The following ANKRD30BL variants were observed in gnomAD, a reference collection of about 807,000 sequenced individuals.
The protein encoded by ANKRD30BL is ankyrin repeat domain 30B like.
Under a neutral mutation model 18.4 loss-of-function variants are expected in ANKRD30BL, and 20 were observed. That is an observed-to-expected ratio of 1.09 (90% CI 0.77 to 1.58). ANKRD30BL has a LOEUF of 1.58. Among genes scored for constraint, ANKRD30BL ranks in the 40% most tolerant of loss-of-function variants. The probability of loss-of-function intolerance (pLI) is 0.00; values close to 1 mark genes in which losing one functional copy is unlikely to be tolerated. For synonymous variants in ANKRD30BL, 72 were observed against 100.9 expected (o/e 0.71, Z 1.72); for missense variants, 224 against 268.6 (o/e 0.83, Z 1.16).
intron 1 of ANKRD30BL, among the ~76,000 whole-genome samples, chr2:132,170,072 T>G (rs1166240451): frequency 6.6e-6 from 1 of 152,184 alleles, no homozygotes; most frequent in African/African-American, 2.4e-5. Flanking sequence ...CTAGCTCTGA[T>G]CCTCAATTTT....
At chr2:132,231,508 G>T (rs547647786) in intron 1 of ANKRD30BL, among the ~76,000 whole-genome samples, 2 of 152,334 alleles carry the variant, frequency 1.3e-5, no homozygotes, top group East Asian at 3.9e-4. Context: ...GAAGCAGGGC[G>T]ATGCATTGCC....
intron 1 of ANKRD30BL, among the ~76,000 whole-genome samples, chr2:132,227,450 C>T (rs979041481): frequency 5.9e-5 from 9 of 151,804 alleles, no homozygotes; most frequent in Non-Finnish European, 8.8e-5. Flanking sequence ...CACAGTGGGA[C>T]ATACCTTATC....
chr2:132,178,364 G>A (rs1327134864), intron 1 of ANKRD30BL, among the ~76,000 whole-genome samples: 1 of 152,204 alleles, frequency 6.6e-6, no homozygotes, highest in African/African-American at 2.4e-5. Flanking sequence ...AGAGAGGACA[G>A]AACAGTGGAA....
intron 1 of ANKRD30BL, among the ~76,000 whole-genome samples, chr2:132,220,890 C>A (rs561943994): frequency 2.6e-5 from 4 of 151,506 alleles, no homozygotes; most frequent in African/African-American, 7.3e-5. Flanking sequence ...AGCCTCTGCC[C>A]GGCCGCCATC....
At chr2:132,207,908 G>A (rs1270504288) in intron 1 of ANKRD30BL, among the ~76,000 whole-genome samples, 1 of 152,146 alleles carries the variant, frequency 6.6e-6, no homozygotes, top group African/African-American at 2.4e-5. Flanking sequence ...ATAATGCTCA[G>A]ATCACAACGG....
At chr2:132,158,013 T>C (rs1294984840) in intron 1 of ANKRD30BL, among the ~76,000 whole-genome samples, 1 of 136,358 alleles carries the variant, frequency 7.3e-6, no homozygotes, top group African/African-American at 3.7e-5. Context: ...ATGCCGCTTA[T>C]AAGTCATTAT....
At chr2:132,257,091 G>A (rs780301795) in intron 1 of ANKRD30BL, 1 of 489,332 alleles carries the variant, frequency 2.0e-6, no homozygotes, top group South Asian at 1.5e-5. Context: ...ACCGAGACCC[G>A]CCTCATGAGC....
At chr2:132,238,011 G>A (rs371192095) in intron 1 of ANKRD30BL, among the ~76,000 whole-genome samples, 3 of 151,906 alleles carry the variant, frequency 2.0e-5, no homozygotes, top group Non-Finnish European at 2.9e-5. Context: ...TGTGCTGCTT[G>A]CATTCAAATC....
At chr2:132,186,417 A>G (rs895876042) in intron 1 of ANKRD30BL, among the ~76,000 whole-genome samples, 2 of 152,216 alleles carry the variant, frequency 1.3e-5, no homozygotes, top group Non-Finnish European at 2.9e-5. Flanking sequence ...CTATATTCTA[A>G]TAATTGTCAA....
intron 1 of ANKRD30BL, among the ~76,000 whole-genome samples, chr2:132,215,116 C>G (rs1679461145): frequency 6.6e-6 from 1 of 151,596 alleles, no homozygotes; most frequent in African/African-American, 2.4e-5. Flanking sequence ...TTGAGACACT[C>G]TTTTTGCAGA....
intron 1 of ANKRD30BL, among the ~76,000 whole-genome samples, chr2:132,186,746 A>C (rs988787351): frequency 6.6e-6 from 1 of 152,192 alleles, no homozygotes; most frequent in African/African-American, 2.4e-5. Flanking sequence ...TGTTTCCTTT[A>C]TCAGAGGTAG....
intron 1 of ANKRD30BL, among the ~76,000 whole-genome samples, chr2:132,179,782 T>C (rs1364204721): frequency 2.0e-5 from 3 of 152,132 alleles, no homozygotes; most frequent in African/African-American, 7.2e-5. Context: ...AAGACAATGA[T>C]GTTGATGATC....
At chr2:132,228,315 A>G (rs1271972333) in intron 1 of ANKRD30BL, among the ~76,000 whole-genome samples, 1 of 151,982 alleles carries the variant, frequency 6.6e-6, no homozygotes, top group South Asian at 2.1e-4. Context: ...GCATGCGTTT[A>G]TCTCACAGAG....
chr2:132,237,348 A>T (rs1363031518), intron 1 of ANKRD30BL, among the ~76,000 whole-genome samples: 1 of 152,040 alleles, frequency 6.6e-6, no homozygotes, highest in Non-Finnish European at 1.5e-5. Context: ...TCACAGTTAA[A>T]ACTTTCCTTT....
Position 132,220,009 on chromosome 2 carries a change from C to T in ANKRD30BL, n.441+37520G>A, listed in dbSNP as rs546444744. ...AAAAGGAAACATCTTCAGATAAAAACTAGACAGAAGCATTCTCAGAAACTT... is the reference window on the plus strand; with the variant it reads ...AAAAGGAAACATCTTCAGATAAAAATTAGACAGAAGCATTCTCAGAAACTT... On this transcript the variant is annotated intron_variant and non_coding_transcript_variant, in intron 1 of 4. Coordinates refer to the ANKRD30BL transcript ENST00000470729. Among the ~76,000 whole-genome samples the T allele has an allele frequency of 1.5e-4, 23 of 152,218 alleles. No homozygotes were observed. The East Asian group carries it at 4.1e-3, about 27-fold the overall frequency.
At chr2:132,179,082 A>G (rs3114149) in intron 1 of ANKRD30BL, among the ~76,000 whole-genome samples, 80,973 of 150,110 alleles carry the variant, frequency 0.54, 22,239 homozygotes, top group African/African-American at 0.63. Flanking sequence ...TAATGGAGGT[A>G]AAAAATTCCT....
rs1233866169 is a variant in ANKRD30BL at position 132,157,003 on chromosome 2, G to C, written c.477C>G (p.Ser159=). ...ENLSVVAKLL[S]CGADIEVKNK... is the part of the protein sequence containing the mutation. ...TCTTCACTTCGATGTCTGCACCACA[G>C]GACAGCAATTTTGCCACCACTGACA... is the stretch of plus-strand genomic sequence containing the variant. Residue 159 remains serine (S), a synonymous_variant, in exon 3 of 6, where the codon TCC becomes TCG. Coordinates refer to ENST00000409867, the MANE Select transcript of ANKRD30BL (RefSeq NM_001358416.1). 1.5e-6 allele frequency: 2 copies of C among 1,298,746 alleles called. No individual in the cohort carries two copies. The highest frequency in any genetic ancestry group is 1.5e-5 in the African/African-American group (1 of 67,496). 80.5% of individuals were successfully genotyped at this position (1,298,746 alleles called of 1,614,324 possible).
chr2:132,219,145 C>T (rs1421398269), intron 1 of ANKRD30BL, among the ~76,000 whole-genome samples: 2 of 151,952 alleles, frequency 1.3e-5, no homozygotes, highest in African/African-American at 4.8e-5. Context: ...GGAGTATCTT[C>T]ACATAAAAAC....
At chr2:132,200,814 C>G (rs1347684680) in intron 1 of ANKRD30BL, among the ~76,000 whole-genome samples, 1 of 151,968 alleles carries the variant, frequency 6.6e-6, no homozygotes, top group Non-Finnish European at 1.5e-5. Context: ...CATATGGAAC[C>G]AAAAAAGAGC....
Sources: allele counts gnomAD v4.1 joint callset (sites outside exome capture counted in the v4.1 genomes callset), GRCh38; gene constraint gnomAD v4.1.1; transcripts MANE v1.5; gene names NCBI Gene and HGNC (gene_info 2026-07-23, HGNC 2026-07-21).